The following CNKSR2 variants were observed in gnomAD, a reference collection of about 807,000 sequenced individuals.
CNKSR2 encodes the protein CNK homolog protein 2.
CNKSR2 carries 14 observed loss-of-function variants against 84.4 expected under a neutral mutation model. That is an observed-to-expected ratio of 0.17 (90% CI 0.11 to 0.26). The LOEUF is 0.26. CNKSR2 is among the 10% of genes least tolerant of loss of function. The probability of loss-of-function intolerance (pLI) is 1.00; values close to 1 mark genes in which losing one functional copy is unlikely to be tolerated. For synonymous variants in CNKSR2, 275 were observed against 277.9 expected (o/e 0.99, Z 0.10); for missense variants, 485 against 771.2 (o/e 0.63, Z 4.40).
intron 6 of CNKSR2, among the ~76,000 whole-genome samples, chrX:21,497,313 A>G (rs1299862181): frequency 4.5e-5 from 5 of 111,666 alleles, no homozygotes; most frequent in Non-Finnish European, 9.4e-5. Context: ...TATGTAAATT[A>G]TATTTTATCA....
chrX:21,444,624 T>C (rs914907535), intron 4 of CNKSR2, among the ~76,000 whole-genome samples: 2 of 110,918 alleles, frequency 1.8e-5, no homozygotes, highest in African/African-American at 6.5e-5. Flanking sequence ...ACTCGAGTTA[T>C]TTTGTGTAGC....
At chrX:21,541,463 A>C (rs1045373305) in intron 11 of CNKSR2, among the ~76,000 whole-genome samples, 31 of 112,069 alleles carry the variant, frequency 2.8e-4, no homozygotes, top group African/African-American at 9.7e-4. Flanking sequence ...TAAATACAAT[A>C]AGCCCTCATT....
At chrX:21,507,907 T>G (rs2091630153) in intron 8 of CNKSR2, among the ~76,000 whole-genome samples, 1 of 112,137 alleles carries the variant, frequency 8.9e-6, no homozygotes, top group African/African-American at 3.2e-5. Flanking sequence ...CTTTTCTTTT[T>G]ATTTCAAAAT....
chrX:21,382,137 A>G (rs2089907565), intron 1 of CNKSR2, among the ~76,000 whole-genome samples: 1 of 111,692 alleles, frequency 9.0e-6, no homozygotes, highest in African/African-American at 3.3e-5. Context: ...CTAAATGACA[A>G]TGCACGTAAA....
intron 20 of CNKSR2, among the ~76,000 whole-genome samples, chrX:21,621,536 T>A (rs1195134551): frequency 1.8e-5 from 2 of 111,350 alleles, no homozygotes; most frequent in Non-Finnish European, 3.8e-5. Context: ...TCAAGGAAAG[T>A]ACATTTTTTA....
At chrX:21,382,529 G>A (rs1022144407) in intron 1 of CNKSR2, among the ~76,000 whole-genome samples, 9 of 110,652 alleles carry the variant, frequency 8.1e-5, no homozygotes, top group Admixed American at 6.7e-4. Flanking sequence ...ATCTTAGAAT[G>A]CATGATGGAG....
intron 11 of CNKSR2, among the ~76,000 whole-genome samples, chrX:21,543,854 G>T (rs1341029457): frequency 3.7e-5 from 4 of 107,943 alleles, no homozygotes. Context: ...ACAGGGTCTT[G>T]CCCTGTTACC....
chrX:21,595,268 T>A lies in CNKSR2; in HGVS notation c.1905-56T>A, dbSNP rs2092445278. On this transcript the variant is annotated intron_variant, in intron 16 of 21. Coordinates refer to ENST00000379510, the MANE Select transcript of CNKSR2 (RefSeq NM_014927.5). ...GAGGTAATTTTGCCCGTCAGAATTA[T>A]TTGGTTCAAACTTATTTCCCAATTT... 7 of 940,490 alleles carry A rather than the reference T, an allele frequency of 7.4e-6. No individual in the cohort carries two copies. In the Admixed American group the frequency reaches 1.6e-4, roughly 22 times the overall value. The allele number at this position is 940,490 out of a possible 1,213,427, so 77.5% of individuals were successfully genotyped here. A position where few individuals can be genotyped will look rare whatever the true frequency, so the allele number is the denominator to read the frequency against.
chrX:21,503,032 G>A (rs1284939940), intron 8 of CNKSR2, among the ~76,000 whole-genome samples: 1 of 111,236 alleles, frequency 9.0e-6, no homozygotes, highest in Non-Finnish European at 1.9e-5. Flanking sequence ...AATAGTTTCA[G>A]CATGCATTTC....
intron 12 of CNKSR2, among the ~76,000 whole-genome samples, chrX:21,562,140 C>T (rs1336834060): frequency 9.1e-6 from 1 of 110,243 alleles, no homozygotes; most frequent in Admixed American, 9.7e-5. Flanking sequence ...TTTTTATGTT[C>T]ACTTATCCTG....
intron 1 of CNKSR2, among the ~76,000 whole-genome samples, chrX:21,408,596 C>CCTCCACTCCA (rs994015086): frequency 9.0e-6 from 1 of 111,029 alleles, no homozygotes; most frequent in Non-Finnish European, 1.9e-5. Context: ...CCTCCCCCAA[C>CCTCCACTCCA]CTCCACTCCA....
chrX:21,517,612 G>A (rs947369838), intron 9 of CNKSR2, among the ~76,000 whole-genome samples: 1 of 110,753 alleles, frequency 9.0e-6, no homozygotes, highest in African/African-American at 3.3e-5. Context: ...AGGATGTAAT[G>A]ATTTTTTTTC....
At chrX:21,397,658 G>A (rs2090137238) in intron 1 of CNKSR2, among the ~76,000 whole-genome samples, 1 of 111,102 alleles carries the variant, frequency 9.0e-6, no homozygotes, top group African/African-American at 3.3e-5. Context: ...AGTCAGATGG[G>A]AGGAATAAGT....
At chrX:21,590,912 T>C (rs1313803062) in intron 14 of CNKSR2, 110 bp from the exon 15 acceptor site, 8 of 652,680 alleles carry the variant, frequency 1.2e-5, no homozygotes, top group Admixed American at 3.4e-5. Flanking sequence ...TCTAATACAA[T>C]ATAAAAATTT....
intron 6 of CNKSR2, among the ~76,000 whole-genome samples, chrX:21,497,288 TAGA>T (rs1304796425): frequency 3.6e-5 from 4 of 111,335 alleles, no homozygotes; most frequent in African/African-American, 9.8e-5. Context: ...TACTACAAAA[TAGA>T]AGGAGAAAAT....
At chrX:21,494,808 C>T (rs1207683041) in intron 6 of CNKSR2, 1 of 111,633 alleles carries the variant, frequency 9.0e-6, no homozygotes, top group Non-Finnish European at 1.9e-5. Flanking sequence ...AATGCACGTG[C>T]TCCCTCCGGG....
intron 2 of CNKSR2, chrX:21,428,773 T>C (rs2090598101): frequency 9.0e-6 from 1 of 111,552 alleles, no homozygotes; most frequent in South Asian, 3.8e-4. Context: ...TTTCAGGCAT[T>C]TTGCATGAAA....
At position 21,374,633 on chromosome X, in the gene CNKSR2, C is replaced by CGCA; in HGVS notation, c.-263_-262insAGC. On this transcript the variant is annotated 5_prime_UTR_variant, in exon 1 of 22. Transcript: ENST00000379510. Reference sequence around the variant, plus strand: ...CAGCAGCAGCAGCAGCAGCAGCAGCCGCCGCCGCCGCCGCCTTAGCGGGAA... The same window carrying CGCA: ...CAGCAGCAGCAGCAGCAGCAGCAGCCGCAGCCGCCGCCGCCGCCTTAGCGGGAA... 1 of 453,860 alleles carries CGCA rather than the reference C, an allele frequency of 2.2e-6. No homozygotes were observed. Among genetic ancestry groups the CGCA allele is most frequent in the Non-Finnish European group, 3.9e-6 (1 of 255,735 alleles). 37.4% of individuals were successfully genotyped at this position (453,860 alleles called of 1,213,427 possible). A position where few individuals can be genotyped will look rare whatever the true frequency, so the allele number is the denominator to read the frequency against.
At chrX:21,561,415 T>G (rs1224029672) in intron 11 of CNKSR2, 56 bp from the exon 12 acceptor site, 1 of 921,253 alleles carries the variant, frequency 1.1e-6, no homozygotes, top group Non-Finnish European at 1.6e-6. Flanking sequence ...AGTGTAAGTT[T>G]GAGCAGACAT....
Sources: allele counts gnomAD v4.1 joint callset (sites outside exome capture counted in the v4.1 genomes callset), GRCh38; gene constraint gnomAD v4.1.1; transcripts MANE v1.5; gene names NCBI Gene and HGNC (gene_info 2026-07-23, HGNC 2026-07-21).